ATP8A2: variants seen among roughly 807,000 people sequenced by gnomAD.
ATP8A2 encodes the protein ATPase phospholipid transporting 8A2.
In ATP8A2, 100 loss-of-function variants were observed where a neutral mutation model predicts 165.6. The ratio of observed to expected loss-of-function variants is 0.60; its 90% CI spans 0.51 to 0.71. The LOEUF is 0.71. Among genes scored for constraint, ATP8A2 ranks in the 30% least tolerant of loss-of-function variants. ATP8A2 has a pLI of 0.00. For missense variants in ATP8A2, 1,227 were observed against 1,479.5 expected, an observed-to-expected ratio of 0.83 and a Z score of 2.80; for synonymous variants, 543 against 548.8, an observed-to-expected ratio of 0.99 and a Z score of 0.15.
Position 25,567,184 on chromosome 13 carries a change from C to T in ATP8A2, c.1473+3153C>T, listed in dbSNP as rs145104826. 716 of 361,238 alleles carry T rather than the reference C, an allele frequency of 2.0e-3. 2 individuals are homozygous for T. The highest frequency in any genetic ancestry group is 0.013 in the Middle Eastern group (17 of 1,334). 22.4% of individuals were successfully genotyped at this position (361,238 alleles called of 1,614,324 possible). On this transcript the variant is annotated intron_variant, in intron 16 of 36. Coordinates refer to ENST00000381655, the MANE Select transcript of ATP8A2 (RefSeq NM_016529.6). ...ACAGGTGTTCTTTCCAAAGCTGGCC[C>T]GGGACTGGTGTTTTGGGTCCCTGTG...
At chr13:25,521,026 T>C (rs544019187) in intron 2 of ATP8A2, among the ~76,000 whole-genome samples, 1 of 152,314 alleles carries the variant, frequency 6.6e-6, no homozygotes, top group African/African-American at 2.4e-5. Flanking sequence ...TTGCCAGCAT[T>C]CAATCTTCCC....
Position 25,706,506 on chromosome 13 carries a change from T to C in ATP8A2, c.2384+7161T>C, listed in dbSNP as rs148432109. On this transcript the variant is annotated intron_variant, in intron 25 of 36. Transcript: ENST00000381655. ...TGATGGATAATAGGAAATCAGAACG[T>C]TATGCATTTTGTGTGTGGTATCCTT... Among the ~76,000 whole-genome samples the C allele has an allele frequency of 4.6e-3, 698 of 152,296 alleles. 3 individuals are homozygous for C. Among genetic ancestry groups the C allele is most frequent in the Non-Finnish European group, 7.3e-3 (496 of 68,012 alleles).
At chr13:25,959,764 T>G (rs1373500522) in intron 33 of ATP8A2, among the ~76,000 whole-genome samples, 1 of 152,258 alleles carries the variant, frequency 6.6e-6, no homozygotes, top group Non-Finnish European at 1.5e-5. Flanking sequence ...CATGGTACAT[T>G]TAATAGATCT....
intron 33 of ATP8A2, among the ~76,000 whole-genome samples, chr13:25,934,952 A>G (rs944058336): frequency 2.0e-5 from 3 of 152,246 alleles, no homozygotes; most frequent in African/African-American, 7.2e-5. Context: ...GAGTGGACTC[A>G]GATACCATTC....
chr13:25,852,596 GT>G (rs946874742), intron 30 of ATP8A2, among the ~76,000 whole-genome samples: 1 of 152,006 alleles, frequency 6.6e-6, no homozygotes, highest in Non-Finnish European at 1.5e-5. Context: ...TAGTCTAATT[GT>G]TTTTTTCTTT....
chr13:25,877,427 C>T (rs963495497), intron 33 of ATP8A2, among the ~76,000 whole-genome samples: 4 of 152,106 alleles, frequency 2.6e-5, no homozygotes, highest in African/African-American at 4.8e-5. Context: ...ACTCATAAAG[C>T]GATGTTTGAA....
chr13:25,525,419 T>C (rs2037811647), intron 2 of ATP8A2, among the ~76,000 whole-genome samples: 1 of 152,192 alleles, frequency 6.6e-6, no homozygotes, highest in Non-Finnish European at 1.5e-5. Flanking sequence ...TCAAATGTTT[T>C]CTATTTGCAT....
intron 35 of ATP8A2, among the ~76,000 whole-genome samples, chr13:25,979,989 C>G (rs910718251): frequency 2.6e-5 from 4 of 152,118 alleles, no homozygotes; most frequent in Admixed American, 6.5e-5. Context: ...GACATGGGAG[C>G]CTTCAGAAAT....
chr13:25,461,787 C>A (rs1382193655), intron 1 of ATP8A2, among the ~76,000 whole-genome samples: 1 of 151,830 alleles, frequency 6.6e-6, no homozygotes, highest in Non-Finnish European at 1.5e-5. Flanking sequence ...AAACCATGGC[C>A]TGTAAAGTAA....
At chr13:25,740,852 A>G (rs1253266175) in intron 25 of ATP8A2, among the ~76,000 whole-genome samples, 1 of 152,198 alleles carries the variant, frequency 6.6e-6, no homozygotes, top group Non-Finnish European at 1.5e-5. Context: ...AGGAAATTTC[A>G]CATAATTATG....
chr13:25,848,430 G>A (rs961215902), intron 30 of ATP8A2, among the ~76,000 whole-genome samples: 4 of 152,202 alleles, frequency 2.6e-5, no homozygotes, highest in African/African-American at 9.6e-5. Flanking sequence ...ATGGGGTGCT[G>A]GGGGATATCA....
At chr13:25,605,057 G>A (rs1426231233) in intron 24 of ATP8A2, among the ~76,000 whole-genome samples, 1 of 152,316 alleles carries the variant, frequency 6.6e-6, no homozygotes, top group East Asian at 1.9e-4. Context: ...TGTCAACAGC[G>A]ATGATGGTTC....
At chr13:25,610,263 C>T (rs755126852) in intron 24 of ATP8A2, among the ~76,000 whole-genome samples, 20 of 152,128 alleles carry the variant, frequency 1.3e-4, no homozygotes, top group Non-Finnish European at 2.1e-4. Context: ...ACATTTAAGT[C>T]TTTGATCCAT....
At chr13:26,009,542 T>C (rs1379494196) in intron 35 of ATP8A2, among the ~76,000 whole-genome samples, 1 of 152,150 alleles carries the variant, frequency 6.6e-6, no homozygotes, top group Admixed American at 6.5e-5. Flanking sequence ...GGCTATATGG[T>C]CTACTTTTAG....
chr13:25,387,404 G>C (rs998457778), intron 1 of ATP8A2, among the ~76,000 whole-genome samples: 2 of 152,080 alleles, frequency 1.3e-5, no homozygotes, highest in Non-Finnish European at 2.9e-5. Flanking sequence ...CACGTCCTAG[G>C]TTATTGTAGC....
chr13:25,886,478 C>T (rs1018834456), intron 33 of ATP8A2, among the ~76,000 whole-genome samples: 3 of 152,174 alleles, frequency 2.0e-5, no homozygotes, highest in Non-Finnish European at 4.4e-5. Flanking sequence ...CTATTTTTGT[C>T]GCATCTGCAA....
chr13:25,469,972 G>C (rs1746873673), intron 2 of ATP8A2, among the ~76,000 whole-genome samples: 1 of 152,210 alleles, frequency 6.6e-6, no homozygotes. Flanking sequence ...GAGCTGCTCA[G>C]AACACCATGC....
At chr13:25,415,033 A>C (rs763695163) in intron 1 of ATP8A2, among the ~76,000 whole-genome samples, 9 of 152,226 alleles carry the variant, frequency 5.9e-5, no homozygotes, top group Non-Finnish European at 1.3e-4. Context: ...GATGGTATAG[A>C]GAGATGGTTT....
intron 25 of ATP8A2, among the ~76,000 whole-genome samples, chr13:25,738,685 G>A (rs2043840600): frequency 6.6e-6 from 1 of 152,242 alleles, no homozygotes; most frequent in Non-Finnish European, 1.5e-5. Context: ...AAGAACTGCA[G>A]GCAAAATGAC....
Sources: gnomAD v4.1 joint callset for allele counts (sites outside exome capture counted in the v4.1 genomes callset) on GRCh38, gnomAD v4.1.1 for gene constraint, MANE v1.5 for transcripts, NCBI Gene and HGNC (gene_info 2026-07-23, HGNC 2026-07-21) for gene names.